Variants in MBD5 observed in about 807,000 individuals in gnomAD.
The protein encoded by MBD5 is methyl-CpG binding domain protein 5.
A neutral mutation model predicts 117.3 loss-of-function variants in MBD5; 13 were observed. The ratio of observed to expected loss-of-function variants is 0.11; its 90% confidence interval spans 0.07 to 0.18. The LOEUF (loss-of-function observed/expected upper bound fraction) is 0.18, where lower values mean the gene tolerates loss of function less well. Among genes scored for constraint, MBD5 ranks in the 10% least tolerant of loss-of-function variants. The pLI, the probability that MBD5 is intolerant of heterozygous loss-of-function variation, is 1.00. For synonymous variants in MBD5, 727 were observed against 766.4 expected (o/e 0.95, Z 0.85); for missense variants, 1,879 against 2,093.8 (o/e 0.90, Z 2.00).
At position 148,484,152 on chromosome 2, in the gene MBD5, C is replaced by G; in HGVS notation, c.3544+17C>G. ...GTCTACTTGGTAAGTTAAATTTTTT[C>G]ACAAATTTTTTACAAAAGAAACGTT... On this transcript the variant is annotated intron_variant, in intron 9 of 13. Transcript: ENST00000642680. The G allele has an allele frequency of 7.1e-7, 1 of 1,417,916 alleles. No homozygotes were observed. Among genetic ancestry groups the G allele is most frequent in the South Asian group, 1.6e-5 (1 of 62,352 alleles). The allele number at this position is 1,417,916 out of a possible 1,614,324, so 87.8% of individuals were successfully genotyped here.
rs1468480856 is a variant in MBD5 at position 148,502,455 on chromosome 2, A to G, written c.4982A>G (p.Lys1661Arg). The change falls in exon 12 of 14, where the codon AAG becomes AGG. Residue 1661 changes from lysine (K) to arginine (R), a missense_variant. By Grantham distance (26) the Lys-to-Arg change is conservative (BLOSUM62 2). This residue lies in a region of MBD5 where 135 missense variants were observed against 148.0 expected (regional missense o/e 0.91). Transcript: ENST00000642680. ...EEGKVEPEKL[K>R]TLTEGLEAYS... is the part of the protein sequence containing the mutation. ...ACTCAGGTGGAGCCCGAGAAGTTGAAGACACTAACAGAAGGTTTGGAAGCC... is the reference window on the plus strand; with the variant it reads ...ACTCAGGTGGAGCCCGAGAAGTTGAGGACACTAACAGAAGGTTTGGAAGCC... 5 of 1,614,210 alleles carry G rather than the reference A, an allele frequency of 3.1e-6. No individual in the cohort carries two copies. The highest frequency in any genetic ancestry group is 4.2e-6 in the Non-Finnish European group (5 of 1,180,008).
intron 2 of MBD5, among the ~76,000 whole-genome samples, chr2:148,212,773 C>A (rs1699457827): frequency 6.6e-6 from 1 of 151,928 alleles, no homozygotes; most frequent in Non-Finnish European, 1.5e-5. Context: ...AAATTTTTAG[C>A]ATATTCATTT....
intron 3 of MBD5, among the ~76,000 whole-genome samples, chr2:148,293,466 T>C (rs931829920): frequency 6.6e-6 from 1 of 152,176 alleles, no homozygotes; most frequent in Non-Finnish European, 1.5e-5. Flanking sequence ...TTATTTCACA[T>C]TGCATGCCTG....
intron 3 of MBD5, among the ~76,000 whole-genome samples, chr2:148,312,611 A>C (rs564045640): frequency 6.6e-6 from 1 of 152,256 alleles, no homozygotes; most frequent in Non-Finnish European, 1.5e-5. Flanking sequence ...CCTTTAGCTC[A>C]GAGGTGTTTG....
intron 6 of MBD5, among the ~76,000 whole-genome samples, chr2:148,462,984 T>G (rs146407966): frequency 3.5e-4 from 54 of 152,272 alleles, no homozygotes; most frequent in Non-Finnish European, 6.8e-4. Context: ...TAGTGCAATA[T>G]TTTCTCTCAT....
chr2:148,141,173 T>C (rs1439472447), intron 1 of MBD5, among the ~76,000 whole-genome samples: 1 of 152,222 alleles, frequency 6.6e-6, no homozygotes. Flanking sequence ...TGAAGTATCC[T>C]TGAGATTGCT....
intron 1 of MBD5, among the ~76,000 whole-genome samples, chr2:148,042,147 A>G (rs1395064453): frequency 1.3e-5 from 2 of 152,188 alleles, no homozygotes; most frequent in Non-Finnish European, 2.9e-5. Flanking sequence ...ATACCTCATT[A>G]GCATATAATA....
chr2:148,496,900 T>A (rs1384449471), intron 11 of MBD5, among the ~76,000 whole-genome samples: 1 of 152,232 alleles, frequency 6.6e-6, no homozygotes, highest in Non-Finnish European at 1.5e-5. Flanking sequence ...TGTACTATTG[T>A]TGGAAAACAA....
intron 4 of MBD5, among the ~76,000 whole-genome samples, chr2:148,457,494 T>G (rs1706921302): frequency 6.6e-6 from 1 of 152,160 alleles, no homozygotes; most frequent in African/African-American, 2.4e-5. Context: ...TCAATCAAGA[T>G]AACTTTTATA....
rs190128999 is a variant in MBD5, at chr2:148,401,575, T to C, written c.-556-56628T>C. On this transcript the variant is annotated intron_variant, in intron 4 of 13. Coordinates refer to ENST00000642680, the MANE Select transcript of MBD5 (RefSeq NM_001378120.1). The stretch of plus-strand genomic sequence containing the variant: ...ATCTGTCTGAGCTTATGATTTATTC[T>C]GGTTTTTAAAAAAATTATTTTGAAA... Among the ~76,000 whole-genome samples, 414 of 152,262 alleles carry C rather than the reference T, an allele frequency of 2.7e-3. 9 individuals are homozygous for C. Among genetic ancestry groups the C allele is most frequent in the Admixed American group, 0.025 (386 of 15,294 alleles).
chr2:148,473,301 A>G (rs1256218554), intron 8 of MBD5, among the ~76,000 whole-genome samples: 1 of 152,108 alleles, frequency 6.6e-6, no homozygotes, highest in African/African-American at 2.4e-5. Context: ...TTAATTAATT[A>G]TCACCTCACT....
At chr2:148,095,973 A>T (rs1407534578) in intron 1 of MBD5, among the ~76,000 whole-genome samples, 2 of 152,154 alleles carry the variant, frequency 1.3e-5, no homozygotes, top group African/African-American at 4.8e-5. Context: ...GATATTATTA[A>T]TTTTTAATTT....
At position 148,482,011 on chromosome 2, in the gene MBD5, C is replaced by G. The variant is rs1413003031; in HGVS notation, c.2519-1099C>G. Among the ~76,000 whole-genome samples, 3 of 152,054 alleles carry G rather than the reference C, an allele frequency of 2.0e-5. No homozygotes were observed. In the East Asian group the frequency reaches 5.8e-4, roughly 29 times the overall value. On this transcript the variant is annotated intron_variant, in intron 8 of 13. Coordinates refer to ENST00000642680, the MANE Select transcript of MBD5 (RefSeq NM_001378120.1). The stretch of plus-strand genomic sequence containing the variant: ...TAAGTACAAAGTATCTTTACGCAAT[C>G]AGAATGGTAAAGATTCTTAACTATT...
At chr2:148,105,390 T>C in intron 1 of MBD5, among the ~76,000 whole-genome samples, 1 of 152,186 alleles carries the variant, frequency 6.6e-6, no homozygotes, top group East Asian at 1.9e-4. Flanking sequence ...GGCTAATTTT[T>C]ATATTTTTAG....
intron 3 of MBD5, among the ~76,000 whole-genome samples, chr2:148,291,283 A>G (rs1559007820): frequency 6.6e-6 from 1 of 152,200 alleles, no homozygotes; most frequent in Admixed American, 6.5e-5. Flanking sequence ...TCAGTAGATC[A>G]ATTTGGAGAA....
intron 3 of MBD5, among the ~76,000 whole-genome samples, chr2:148,306,226 G>A (rs1387675787): frequency 2.6e-5 from 4 of 152,142 alleles, no homozygotes; most frequent in Non-Finnish European, 5.9e-5. Context: ...CTCCCAGGAA[G>A]AGACTTCTGT....
chr2:148,138,194 C>CAT (rs796222462), intron 1 of MBD5, among the ~76,000 whole-genome samples: 1 of 152,290 alleles, frequency 6.6e-6, no homozygotes, highest in African/African-American at 2.4e-5. Context: ...GCAAAGGCCT[C>CAT]ATACACAGTG....
At chr2:148,425,133 C>G (rs952819810) in intron 4 of MBD5, among the ~76,000 whole-genome samples, 2 of 151,922 alleles carry the variant, frequency 1.3e-5, no homozygotes, top group African/African-American at 4.8e-5. Context: ...AGATAGACCA[C>G]TAGCCAGACT....
chr2:148,297,907 C>T (rs11678688), intron 3 of MBD5, among the ~76,000 whole-genome samples: 41,926 of 152,092 alleles, frequency 0.28, 6,586 homozygotes, highest in Admixed American at 0.37. Flanking sequence ...GGGAGAGCTT[C>T]GGAGTTCTCT....
Sources: gnomAD v4.1 joint callset for allele counts (sites outside exome capture counted in the v4.1 genomes callset) on GRCh38, gnomAD v4.1.1 for gene constraint, gnomAD v4.1.1 regional missense constraint, MANE v1.5 for transcripts, NCBI Gene and HGNC (gene_info 2026-07-23, HGNC 2026-07-21) for gene names.